The following MEOX2 variants were observed in gnomAD, a reference collection of about 807,000 sequenced individuals.
The protein encoded by MEOX2 is homeobox protein MOX-2.
A neutral mutation model predicts 27.0 loss-of-function variants in MEOX2; 11 were observed. That is an observed-to-expected ratio of 0.41 (90% CI 0.26 to 0.68). The LOEUF (loss-of-function observed/expected upper bound fraction) is 0.68, where lower values mean the gene tolerates loss of function less well. Among genes scored for constraint, MEOX2 ranks in the 30% least tolerant of loss-of-function variants. MEOX2 has a pLI of 0.33. For synonymous variants in MEOX2, 189 were observed against 155.4 expected, an observed-to-expected ratio of 1.22 and a Z score of -1.61; for missense variants, 436 against 385.4, an observed-to-expected ratio of 1.13 and a Z score of -1.10.
At chr7:15,667,904 G>A (rs958965828) in intron 1 of MEOX2, 3 of 152,184 alleles carry the variant, frequency 2.0e-5, no homozygotes, top group Non-Finnish European at 4.4e-5. Flanking sequence ...TTGTGTGTGT[G>A]CCTCTTGTGT....
intron 1 of MEOX2, among the ~76,000 whole-genome samples, chr7:15,662,365 GA>G (rs1273312440): frequency 6.6e-6 from 1 of 151,844 alleles, no homozygotes; most frequent in African/African-American, 2.4e-5. Flanking sequence ...AGTAGATAGG[GA>G]AGGAAAGATT....
At chr7:15,616,977 C>G (rs1465722484) in intron 2 of MEOX2, among the ~76,000 whole-genome samples, 3 of 151,958 alleles carry the variant, frequency 2.0e-5, no homozygotes, top group African/African-American at 4.8e-5. Flanking sequence ...AAGTTCACAC[C>G]TGTCCTTTTA....
At chr7:15,623,060 C>T (rs1485097242) in intron 2 of MEOX2, among the ~76,000 whole-genome samples, 2 of 152,158 alleles carry the variant, frequency 1.3e-5, no homozygotes, top group Admixed American at 1.3e-4. Flanking sequence ...GTTTATAAGC[C>T]ACCCAGTCTA....
At chr7:15,642,498 C>G (rs1781578576) in intron 1 of MEOX2, among the ~76,000 whole-genome samples, 1 of 151,958 alleles carries the variant, frequency 6.6e-6, no homozygotes, top group African/African-American at 2.4e-5. Context: ...ATCTATCTTG[C>G]CTTTTGTCTT....
Position 15,612,503 on chromosome 7 carries a change from G to T in MEOX2, c.799C>A (p.Leu267Ile). 3 of 1,614,154 alleles carry T rather than the reference G, an allele frequency of 1.9e-6. No homozygotes were observed. Among genetic ancestry groups the T allele is most frequent in the Non-Finnish European group, 2.5e-6 (3 of 1,180,024 alleles). The stretch of plus-strand genomic sequence containing the variant: ...ATTCCCGACAGCTCTGATGGGAGAA[G>T]TGTTCCCTTTTTCACATTCACCAGT... ...KELVNVKKGT[L>I]LPSELSGIGA... The change falls in exon 3 of 3, where the codon CTT becomes ATT. Residue 267 changes from leucine to isoleucine, a missense_variant. Coordinates refer to ENST00000262041, the MANE Select transcript of MEOX2 (RefSeq NM_005924.5).
intron 1 of MEOX2, among the ~76,000 whole-genome samples, chr7:15,634,958 T>A (rs1781458929): frequency 6.6e-6 from 1 of 151,932 alleles, no homozygotes; most frequent in South Asian, 2.1e-4. Context: ...GTGTGAGAGT[T>A]TCAGTAAATT....
chr7:15,678,932 A>G (rs1312070412), intron 1 of MEOX2: 1 of 152,140 alleles, frequency 6.6e-6, no homozygotes, highest in Non-Finnish European at 1.5e-5. Context: ...GATTCTCTTG[A>G]AGTGTGTGAA....
In MEOX2 at chr7:15,657,822, G is replaced by A. The variant is rs73058602; in HGVS notation, c.517+28064C>T. Among the ~76,000 whole-genome samples, 1,269 of 152,222 alleles carry A rather than the reference G, an allele frequency of 8.3e-3. 8 individuals carry two copies. Among genetic ancestry groups the A allele is most frequent in the Non-Finnish European group, 0.014 (985 of 68,008 alleles). On this transcript the variant is annotated intron_variant, in intron 1 of 2. Transcript: ENST00000262041. ...CTGGATAGTTTTAGTATTATGTATG[G>A]TACTCTTATTTAAACCTTCTGTTTC...
At chr7:15,637,537 C>A (rs1434367675) in intron 1 of MEOX2, among the ~76,000 whole-genome samples, 1 of 152,042 alleles carries the variant, frequency 6.6e-6, no homozygotes, top group Non-Finnish European at 1.5e-5. Flanking sequence ...CACACGCACA[C>A]ACACACGCAC....
intron 1 of MEOX2, among the ~76,000 whole-genome samples, chr7:15,637,746 T>C (rs1157874373): frequency 6.6e-6 from 1 of 151,882 alleles, no homozygotes; most frequent in Non-Finnish European, 1.5e-5. Flanking sequence ...ATATCGGGGC[T>C]TTGAAGCCAG....
At chr7:15,615,630 T>C (rs1397341240) in intron 2 of MEOX2, among the ~76,000 whole-genome samples, 1 of 152,036 alleles carries the variant, frequency 6.6e-6, no homozygotes, top group Non-Finnish European at 1.5e-5. Flanking sequence ...ATGAGTTGGG[T>C]TCTACTCTTG....
intron 2 of MEOX2, among the ~76,000 whole-genome samples, chr7:15,625,390 T>G (rs1781287648): frequency 6.6e-6 from 1 of 152,220 alleles, no homozygotes; most frequent in Non-Finnish European, 1.5e-5. Flanking sequence ...ACATAGGTAC[T>G]AGTCATAATA....
chr7:15,685,927 G>A lies in MEOX2; in HGVS notation c.476C>T (p.Ala159Val). 1 of 1,609,702 alleles carries A rather than the reference G, an allele frequency of 6.2e-7. No individual in the cohort carries two copies. Among genetic ancestry groups the A allele is most frequent in the East Asian group, 2.2e-5 (1 of 44,766 alleles). The change falls in exon 1 of 3, where the codon GCG becomes GTG. Residue 159 changes from alanine (A) to valine (V), a missense_variant. Physicochemically the swap from Ala to Val is moderately conservative, Grantham distance 64. Transcript: ENST00000262041. ...CCTCTTGCCGCCGCTTCGCTTCTCC[G>A]CCTCCGCAGGTGACAGTGCCTGGCG... ...YGRQALSPAE[A>V]EKRSGGKRKS...
At chr7:15,677,153 T>C (rs1782207989) in intron 1 of MEOX2, among the ~76,000 whole-genome samples, 1 of 152,242 alleles carries the variant, frequency 6.6e-6, no homozygotes, top group South Asian at 2.1e-4. Context: ...TTACATTTCC[T>C]ATAGCAGTAT....
intron 1 of MEOX2, among the ~76,000 whole-genome samples, chr7:15,648,499 G>A (rs942150045): frequency 3.9e-5 from 6 of 152,086 alleles, no homozygotes; most frequent in Non-Finnish European, 8.8e-5. Context: ...TCACTGCTGG[G>A]ATACAGAGGA....
chr7:15,686,444 G>T lies in MEOX2; in HGVS notation c.-42C>A, dbSNP rs1378706096. The T allele has an allele frequency of 1.3e-6, 2 of 1,508,632 alleles. No homozygotes were observed. Among genetic ancestry groups the T allele is most frequent in the Non-Finnish European group, 1.8e-6 (2 of 1,121,816 alleles). 93.5% of individuals were successfully genotyped at this position (1,508,632 alleles called of 1,614,324 possible). A position where few individuals can be genotyped will look rare whatever the true frequency, so the allele number is the denominator to read the frequency against. On this transcript the variant is annotated 5_prime_UTR_variant, in exon 1 of 3. Coordinates refer to ENST00000262041, the MANE Select transcript of MEOX2 (RefSeq NM_005924.5). Reference sequence around the variant, plus strand: ...GTTCCAGGCAGAAGACTTCACGGCGGTTCCAAAGGCCACCACCCTCTGTCA... The same window carrying T: ...GTTCCAGGCAGAAGACTTCACGGCGTTTCCAAAGGCCACCACCCTCTGTCA...
chr7:15,645,632 G>A (rs1020459310), intron 1 of MEOX2, among the ~76,000 whole-genome samples: 1 of 152,064 alleles, frequency 6.6e-6, no homozygotes, highest in African/African-American at 2.4e-5. Flanking sequence ...AAACACCCTT[G>A]GTAGTTATTG....
rs528782866 is a variant in MEOX2 at position 15,669,410 on chromosome 7, G to A, written c.517+16476C>T. Among the ~76,000 whole-genome samples, 8 of 152,188 alleles carry A rather than the reference G, an allele frequency of 5.3e-5. No homozygotes were observed. In the South Asian group the frequency reaches 6.2e-4, roughly 12 times the overall value. On this transcript the variant is annotated intron_variant, in intron 1 of 2. Transcript: ENST00000262041. ...TTTTTCTACATTTTCATACTTTAACGCACACTCTCAACTCATAAATTCTAA... is the reference window on the plus strand; with the variant it reads ...TTTTTCTACATTTTCATACTTTAACACACACTCTCAACTCATAAATTCTAA...
At chr7:15,638,061 T>C (rs1172440473) in intron 1 of MEOX2, among the ~76,000 whole-genome samples, 1 of 152,062 alleles carries the variant, frequency 6.6e-6, no homozygotes, top group Non-Finnish European at 1.5e-5. Context: ...ACACGTAACA[T>C]TTAGTGAAAT....
Sources: gnomAD v4.1 joint callset for allele counts (sites outside exome capture counted in the v4.1 genomes callset) on GRCh38, gnomAD v4.1.1 for gene constraint, MANE v1.5 for transcripts, NCBI Gene and HGNC (gene_info 2026-07-23, HGNC 2026-07-21) for gene names.